KIAA0232: variants seen among roughly 807,000 people sequenced by gnomAD.
KIAA0232 encodes KIAA0232, also known as uncharacterized protein KIAA0232.
Under a neutral mutation model 122.0 loss-of-function variants are expected in KIAA0232, and 27 were observed. The ratio of observed to expected loss-of-function variants is 0.22; its 90% CI spans 0.16 to 0.31. The LOEUF (loss-of-function observed/expected upper bound fraction) is 0.31, where lower values mean the gene tolerates loss of function less well. Ranked by LOEUF, KIAA0232 falls within the 10% of genes least tolerant of loss-of-function variation. The pLI, the probability that KIAA0232 is intolerant of heterozygous loss-of-function variation, is 1.00. For synonymous variants in KIAA0232, 613 were observed against 587.6 expected (o/e 1.04, Z -0.63); for missense variants, 1,551 against 1,634.2 (o/e 0.95, Z 0.88).
chr4:6,814,458 T>C (rs1308111845), intron 2 of KIAA0232, among the ~76,000 whole-genome samples: 2 of 152,124 alleles, frequency 1.3e-5, no homozygotes. Flanking sequence ...TTACTATTCT[T>C]CATATAATCC....
chr4:6,877,782 T>C (rs1721833907), intron 9 of KIAA0232, among the ~76,000 whole-genome samples: 1 of 152,132 alleles, frequency 6.6e-6, no homozygotes, highest in Non-Finnish European at 1.5e-5. Context: ...CCCAGCCCAC[T>C]GGATCAAATG....
In KIAA0232 at chr4:6,861,695, T is replaced by C. The variant is rs1279180283; in HGVS notation, c.1313T>C (p.Val438Ala). 1.2e-6 allele frequency: 2 copies of C among 1,614,014 alleles called. No individual in the cohort carries two copies. The highest frequency in any genetic ancestry group is 1.3e-5 in the African/African-American group (1 of 74,922). ...ACAAGTGATCTGACATCAGAGGCAGTGGAAGAATTGTCTGAATCAGTGCAT... is the reference window on the plus strand; with the variant it reads ...ACAAGTGATCTGACATCAGAGGCAGCGGAAGAATTGTCTGAATCAGTGCAT... The part of the protein sequence containing the change: ...QDTSDLTSEA[V>A]EELSESVHGL... Residue 438 changes from valine (V) to alanine (A), a missense_variant, in exon 7 of 10, where the codon GTG becomes GCG. Coordinates refer to ENST00000307659, the MANE Select transcript of KIAA0232 (RefSeq NM_014743.3).
Position 6,842,061 on chromosome 4 carries a change from T to A in KIAA0232, c.232-6T>A. 11 of 1,613,322 alleles carry A rather than the reference T, an allele frequency of 6.8e-6. No homozygotes were observed. The highest frequency in any genetic ancestry group is 9.3e-6 in the Non-Finnish European group (11 of 1,179,766). ...GGTCATTTAACCTGGTGCAATTTCA[T>A]TGCAGGAGAATGACATCTTCCTGGG... On this transcript the variant is annotated splice_region_variant and splice_polypyrimidine_tract_variant and intron_variant, in intron 3 of 9. Coordinates refer to ENST00000307659, the MANE Select transcript of KIAA0232 (RefSeq NM_014743.3).
chr4:6,787,050 G>A (rs918973597), intron 1 of KIAA0232, among the ~76,000 whole-genome samples: 3 of 151,830 alleles, frequency 2.0e-5, no homozygotes, highest in African/African-American at 7.3e-5. Flanking sequence ...GCATGGTGGA[G>A]CACGCCTATA....
intron 2 of KIAA0232, among the ~76,000 whole-genome samples, chr4:6,814,244 C>G (rs1718013440): frequency 6.6e-6 from 1 of 152,122 alleles, no homozygotes; most frequent in Non-Finnish European, 1.5e-5. Context: ...CTCCTTTGCA[C>G]TTAACCACCT....
In KIAA0232 at chr4:6,862,618, G is replaced by C. The variant is rs1720937048; in HGVS notation, c.2236G>C (p.Val746Leu). Reference sequence around the variant, plus strand: ...TAATGCCGAAGATATTAATTATGTAGTTCCTAGAGTCTCGTCAAATTATGT... The same window carrying C: ...TAATGCCGAAGATATTAATTATGTACTTCCTAGAGTCTCGTCAAATTATGT... ...QFNAEDINYVVPRVSSNYVDE... is the reference protein window; with the variant it reads ...QFNAEDINYVLPRVSSNYVDE... The change falls in exon 7 of 10, where the codon GTT becomes CTT. Residue 746 changes from valine to leucine, a missense_variant. By Grantham distance (32) the Val-to-Leu change is conservative (BLOSUM62 1). Around this residue, in one of 5 missense-constraint regions of KIAA0232, gnomAD observed 1,108 missense variants for 1,154.8 expected, o/e 0.96. Coordinates refer to ENST00000307659, the MANE Select transcript of KIAA0232 (RefSeq NM_014743.3). The C allele has an allele frequency of 1.2e-6, 2 of 1,613,430 alleles. No individual in the cohort carries two copies. Among genetic ancestry groups the C allele is most frequent in the Non-Finnish European group, 1.7e-6 (2 of 1,179,890 alleles).
At position 6,842,622 on chromosome 4, in the gene KIAA0232, G is replaced by A. The variant is rs1353822877; in HGVS notation, c.369+418G>A. ...TTTTTTTAAGACAGTGTCTCACTCT[G>A]TCGCCCAGGCTGGAGTGCAGTGGTG... On this transcript the variant is annotated intron_variant, in intron 4 of 9. Coordinates refer to ENST00000307659, the MANE Select transcript of KIAA0232 (RefSeq NM_014743.3). 2.8e-4 allele frequency among the ~76,000 whole-genome samples: 41 copies of A among 144,216 alleles called. 1 individual carries two copies. The highest frequency in any genetic ancestry group is 9.6e-4 in the African/African-American group (37 of 38,664). The allele number at this position is 144,216 out of a possible 152,430, so 94.6% of individuals were successfully genotyped here. A position where few individuals can be genotyped will look rare whatever the true frequency, so the allele number is the denominator to read the frequency against.
chr4:6,789,882 A>G (rs1035953718), intron 1 of KIAA0232, among the ~76,000 whole-genome samples: 3 of 152,116 alleles, frequency 2.0e-5, no homozygotes, highest in Non-Finnish European at 4.4e-5. Flanking sequence ...TTTAAAAATT[A>G]GCCAGGTGTG....
chr4:6,817,040 G>C lies in KIAA0232; in HGVS notation c.-269-7145G>C, dbSNP rs116141663. ...CTGTTTTTGGTTTTATTGTTTTTCT[G>C]CTTTCTATTTCACTGGTTTCTGCTC... On this transcript the variant is annotated intron_variant, in intron 2 of 9. Transcript: ENST00000307659. 6.7e-3 allele frequency among the ~76,000 whole-genome samples: 1,020 copies of C among 152,058 alleles called. 5 individuals are homozygous for C. Among genetic ancestry groups the C allele is most frequent in the Non-Finnish European group, 0.01 (713 of 67,984 alleles).
rs555129163 is a variant in KIAA0232 at position 6,824,255 on chromosome 4, C to T, written c.-199C>T. On this transcript the variant is annotated 5_prime_UTR_variant, in exon 3 of 10. Coordinates refer to ENST00000307659, the MANE Select transcript of KIAA0232 (RefSeq NM_014743.3). The stretch of plus-strand genomic sequence containing the variant: ...GAAAATCACATCTACATGCATGTTG[C>T]TATCAGGATGTTGATTCATTAGTCA... 24 of 598,046 alleles carry T rather than the reference C, an allele frequency of 4.0e-5. No homozygotes were observed. The South Asian group carries it at 4.4e-4, about 11-fold the overall frequency. 37.0% of individuals were successfully genotyped at this position (598,046 alleles called of 1,614,324 possible). A position where few individuals can be genotyped will look rare whatever the true frequency, so the allele number is the denominator to read the frequency against.
Position 6,862,195 on chromosome 4 carries a change from A to G in KIAA0232, c.1813A>G (p.Ser605Gly). 1 of 1,613,974 alleles carries G rather than the reference A, an allele frequency of 6.2e-7. No individual in the cohort carries two copies. Among genetic ancestry groups the G allele is most frequent in the African/African-American group, 1.3e-5 (1 of 74,980 alleles). Residue 605 changes from serine (S) to glycine (G), a missense_variant, in exon 7 of 10, where the codon AGT becomes GGT. This residue lies in a region of KIAA0232 where 1,108 missense variants were observed against 1,154.8 expected (regional missense o/e 0.96). Coordinates refer to ENST00000307659, the MANE Select transcript of KIAA0232 (RefSeq NM_014743.3). ...CAGCTCCGGTGATGCTGATGGGGAG[A>G]GTTTTGGAGGAGACTCTCCAGTTAG... is the stretch of plus-strand genomic sequence containing the variant. ...SSSSGDADGE[S>G]FGGDSPVRLS... is the part of the protein sequence containing the mutation.
chr4:6,808,544 C>G (rs543671594), intron 2 of KIAA0232, among the ~76,000 whole-genome samples: 1 of 150,624 alleles, frequency 6.6e-6, no homozygotes, highest in East Asian at 2.0e-4. Flanking sequence ...AAGGCGAAAG[C>G]CTGCTAATAC....
intron 1 of KIAA0232, among the ~76,000 whole-genome samples, chr4:6,799,684 G>GT (rs889269165): frequency 4.7e-4 from 72 of 151,768 alleles, no homozygotes; most frequent in Non-Finnish European, 1.0e-4. Context: ...GATTAGTTGG[G>GT]TTTTTTTGTT....
chr4:6,797,515 A>G (rs1237822154), intron 1 of KIAA0232, among the ~76,000 whole-genome samples: 1 of 152,156 alleles, frequency 6.6e-6, no homozygotes, highest in Non-Finnish European at 1.5e-5. Context: ...CACATCTGTA[A>G]TCCCAGCACT....
chr4:6,871,349 A>T (rs1025927332), intron 7 of KIAA0232, among the ~76,000 whole-genome samples: 1 of 152,164 alleles, frequency 6.6e-6, no homozygotes, highest in Non-Finnish European at 1.5e-5. Flanking sequence ...TGGAAGGATC[A>T]CTTGAGCCCT....
At chr4:6,797,947 A>G (rs1268735950) in intron 1 of KIAA0232, among the ~76,000 whole-genome samples, 3 of 151,298 alleles carry the variant, frequency 2.0e-5, no homozygotes, top group Non-Finnish European at 4.4e-5. Flanking sequence ...AGTCCCAGCT[A>G]CTTGGGAGGC....
intron 2 of KIAA0232, among the ~76,000 whole-genome samples, chr4:6,815,461 C>T (rs1350743965): frequency 6.6e-6 from 1 of 152,142 alleles, no homozygotes; most frequent in African/African-American, 2.4e-5. Context: ...AAGCTTAGTG[C>T]CCGGTATTCT....
intron 3 of KIAA0232, among the ~76,000 whole-genome samples, chr4:6,840,582 C>A (rs552399650): frequency 1.1e-4 from 17 of 152,268 alleles, no homozygotes; most frequent in African/African-American, 4.1e-4. Context: ...TAGAAAAGTA[C>A]CTGATAATAG....
chr4:6,864,828 G>C (rs975203169), intron 7 of KIAA0232, among the ~76,000 whole-genome samples: 1 of 151,674 alleles, frequency 6.6e-6, no homozygotes, highest in South Asian at 2.1e-4. Context: ...GATGAATCAG[G>C]AAGTGGCTGC....
Sources: gnomAD v4.1 joint callset for allele counts (sites outside exome capture counted in the v4.1 genomes callset) on GRCh38, gnomAD v4.1.1 for gene constraint, gnomAD v4.1.1 regional missense constraint, MANE v1.5 for transcripts, NCBI Gene and HGNC (gene_info 2026-07-23, HGNC 2026-07-21) for gene names.